TAF2: variants seen among roughly 807,000 people sequenced by gnomAD.
TAF2 encodes the protein transcription initiation factor TFIID subunit 2.
In TAF2, 61 loss-of-function variants were observed where a neutral mutation model predicts 138.5. The observed-to-expected ratio is 0.44, with a 90% CI of 0.36 to 0.54. TAF2 has a LOEUF of 0.54. TAF2 is among the 20% of genes least tolerant of loss of function. The pLI, the probability that TAF2 is intolerant of heterozygous loss-of-function variation, is 0.00. For synonymous variants in TAF2, 475 were observed against 469.9 expected (o/e 1.01, Z -0.14); for missense variants, 1,090 against 1,427.9 (o/e 0.76, Z 3.81).
intron 3 of TAF2, among the ~76,000 whole-genome samples, chr8:119,817,973 C>T (rs1776066610): frequency 6.6e-6 from 1 of 152,224 alleles, no homozygotes; most frequent in African/African-American, 2.4e-5. Context: ...AATGTAATTT[C>T]AACAACTCAC....
chr8:119,789,892 C>T (rs1823297874), intron 11 of TAF2, 146 bp from the exon 12 acceptor site: 1 of 804,856 alleles, frequency 1.2e-6, no homozygotes. Context: ...CTAAAGACTA[C>T]TAGCAATAGA....
chr8:119,799,040 GA>G (rs1447911166), intron 6 of TAF2, among the ~76,000 whole-genome samples: 2 of 151,968 alleles, frequency 1.3e-5, no homozygotes, highest in African/African-American at 2.4e-5. Flanking sequence ...ACTAAGTCAG[GA>G]AAAACAATTC....
chr8:119,748,120 T>C (rs2131014580), intron 22 of TAF2, among the ~76,000 whole-genome samples: 1 of 148,834 alleles, frequency 6.7e-6, no homozygotes, highest in South Asian at 2.2e-4. Flanking sequence ...TGAGGCCTTG[T>C]CTCAAAAAAT....
rs2131040861 is a variant in TAF2 at position 119,756,284 on chromosome 8, A to G, written c.2769-169T>C. Among the ~76,000 whole-genome samples, 2 of 152,238 alleles carry G rather than the reference A, an allele frequency of 1.3e-5. 1 individual carries two copies. The highest frequency in any genetic ancestry group is 4.1e-4 in the South Asian group (2 of 4,824). The stretch of plus-strand genomic sequence containing the variant: ...ATTTAGTTTAATTTCCAAAGACATG[A>G]TGTTATATCCTGAATATTTATTACG... On this transcript the variant is annotated intron_variant, in intron 21 of 25. Transcript: ENST00000378164.
chr8:119,823,583 T>C (rs1050586006), intron 2 of TAF2, among the ~76,000 whole-genome samples: 2 of 152,206 alleles, frequency 1.3e-5, no homozygotes, highest in Admixed American at 1.3e-4. Context: ...AAGATCCCCA[T>C]TAAACCTCTT....
chr8:119,785,263 A>G lies in TAF2; in HGVS notation c.1797T>C (p.Asn599=). 6.2e-7 allele frequency: 1 copy of G among 1,610,368 alleles called. No individual in the cohort carries two copies. Among genetic ancestry groups the G allele is most frequent in the Non-Finnish European group, 8.5e-7 (1 of 1,177,238 alleles). ...TCATCAGTGGGATTTTTTTCTTTTT[A>G]TTCCTACATTTAAGAAAAAGTAGGT... ...DIPCHSKSRR[N]KKKKIPLMNG... The change falls in exon 15 of 26, where the codon AAT becomes AAC. Residue 599 remains asparagine (N), a synonymous_variant. Transcript: ENST00000378164.
intron 18 of TAF2, among the ~76,000 whole-genome samples, chr8:119,770,498 G>C (rs969806321): frequency 2.6e-5 from 4 of 152,022 alleles, no homozygotes; most frequent in Non-Finnish European, 5.9e-5. Flanking sequence ...GCCAAACCAA[G>C]CTTCATAAAT....
intron 24 of TAF2, among the ~76,000 whole-genome samples, chr8:119,742,944 C>T (rs1819700551): frequency 6.6e-6 from 1 of 151,968 alleles, no homozygotes; most frequent in Admixed American, 6.6e-5. Context: ...TGGTGCGCGC[C>T]TGTAGTCCCA....
rs952024628 is a variant in TAF2, at chr8:119,822,835, A to G, written c.139-3329T>C. ...TTGACTTCTTCCAGTTTCTCACCAG[A>G]AAAGAATTCAGAAAAGAATAACAAA... On this transcript the variant is annotated intron_variant, in intron 2 of 25. Coordinates refer to ENST00000378164, the MANE Select transcript of TAF2 (RefSeq NM_003184.4). 2.2e-4 allele frequency among the ~76,000 whole-genome samples: 34 copies of G among 152,204 alleles called. 1 individual carries two copies. Among genetic ancestry groups the G allele is most frequent in the Non-Finnish European group, 8.8e-5 (6 of 68,040 alleles).
chr8:119,771,781 T>C (rs1029911333), intron 18 of TAF2, among the ~76,000 whole-genome samples: 2 of 152,090 alleles, frequency 1.3e-5, no homozygotes, highest in Non-Finnish European at 2.9e-5. Flanking sequence ...AGATAGGTCA[T>C]TGAGGCAGAA....
chr8:119,750,439 AACC>A (rs2131022070), intron 22 of TAF2, among the ~76,000 whole-genome samples: 1 of 152,362 alleles, frequency 6.6e-6, no homozygotes, highest in Admixed American at 6.5e-5. Context: ...CTTCTGAATA[AACC>A]CAGCACTCCT....
At chr8:119,828,291 A>G (rs1174678494) in intron 2 of TAF2, among the ~76,000 whole-genome samples, 1 of 152,192 alleles carries the variant, frequency 6.6e-6, no homozygotes, top group East Asian at 1.9e-4. Flanking sequence ...ATTCCATTCC[A>G]TTGGAAGTTG....
intron 25 of TAF2, among the ~76,000 whole-genome samples, chr8:119,741,578 C>T (rs920898083): frequency 5.9e-5 from 9 of 152,184 alleles, no homozygotes; most frequent in Non-Finnish European, 1.2e-4. Flanking sequence ...AAGCAATCAA[C>T]AGTCTGGGGT....
At chr8:119,768,609 T>G (rs1821611132) in intron 18 of TAF2, among the ~76,000 whole-genome samples, 1 of 152,258 alleles carries the variant, frequency 6.6e-6, no homozygotes, top group Non-Finnish European at 1.5e-5. Flanking sequence ...ATGTTCCACG[T>G]GCAGATGAGA....
At position 119,760,586 on chromosome 8, in the gene TAF2, T is replaced by C. The variant is rs902442774; in HGVS notation, c.2698+13A>G. ...TTCTAAAATGATATGAGCACGTATT[T>C]CTAAAGTATTACCTTTAGTATAATC... is the stretch of plus-strand genomic sequence containing the variant. On this transcript the variant is annotated intron_variant, in intron 20 of 25. Coordinates refer to ENST00000378164, the MANE Select transcript of TAF2 (RefSeq NM_003184.4). 4.3e-6 allele frequency: 7 copies of C among 1,611,496 alleles called. No homozygotes were observed. The highest frequency in any genetic ancestry group is 5.9e-6 in the Non-Finnish European group (7 of 1,179,672).
At chr8:119,775,507 A>G (rs1822163080) in intron 18 of TAF2, among the ~76,000 whole-genome samples, 1 of 151,934 alleles carries the variant, frequency 6.6e-6, no homozygotes, top group South Asian at 2.1e-4. Context: ...GTTCGAGACC[A>G]GCCTGGCCAA....
chr8:119,747,801 GAAGAA>G (rs1291271589), intron 22 of TAF2, among the ~76,000 whole-genome samples: 1 of 152,064 alleles, frequency 6.6e-6, no homozygotes, highest in African/African-American at 2.4e-5. Flanking sequence ...CAAATGAACA[GAAGAA>G]AAGTGGATAT....
At chr8:119,782,287 A>C (rs936255410) in intron 16 of TAF2, among the ~76,000 whole-genome samples, 6 of 152,274 alleles carry the variant, frequency 3.9e-5, no homozygotes, top group South Asian at 4.1e-4. Context: ...CTTGCTATTG[A>C]TATTTTTAGG....
intron 6 of TAF2, 82 bp downstream of exon 6, chr8:119,801,712 G>C: frequency 7.3e-7 from 1 of 1,361,986 alleles, no homozygotes; most frequent in Non-Finnish European, 1.0e-6. Flanking sequence ...ACAGGCATGA[G>C]CCACCGTGCC....
Sources: gnomAD v4.1 joint callset for allele counts (sites outside exome capture counted in the v4.1 genomes callset) on GRCh38, gnomAD v4.1.1 for gene constraint, MANE v1.5 for transcripts, NCBI Gene and HGNC (gene_info 2026-07-23, HGNC 2026-07-21) for gene names.